Variants in NRXN1 observed in about 807,000 individuals in gnomAD.
NRXN1 encodes the protein neurexin-1.
In NRXN1, 39 loss-of-function variants were observed where a neutral mutation model predicts 150.9. The ratio of observed to expected loss-of-function variants is 0.26; its 90% confidence interval spans 0.20 to 0.34. The LOEUF is 0.34. NRXN1 is among the 10% of genes least tolerant of loss of function. The probability of loss-of-function intolerance (pLI) is 1.00; values close to 1 mark genes in which losing one functional copy is unlikely to be tolerated. For synonymous variants in NRXN1, 924 were observed against 757.0 expected (o/e 1.22, Z -3.62); for missense variants, 1,815 against 1,949.9 (o/e 0.93, Z 1.30).
At chr2:50,141,949 G>C (rs1424137224) in intron 18 of NRXN1, among the ~76,000 whole-genome samples, 4 of 151,984 alleles carry the variant, frequency 2.6e-5, no homozygotes, top group Admixed American at 1.3e-4. Flanking sequence ...CCCACTACTG[G>C]GTATTTATCC....
At chr2:50,690,818 T>A (rs1041788861) in intron 5 of NRXN1, among the ~76,000 whole-genome samples, 1 of 152,126 alleles carries the variant, frequency 6.6e-6, no homozygotes, top group African/African-American at 2.4e-5. Context: ...TTTTCTCTTC[T>A]CCAAACACAC....
intron 21 of NRXN1, among the ~76,000 whole-genome samples, chr2:50,035,150 A>T (rs1447370903): frequency 6.6e-6 from 1 of 152,134 alleles, no homozygotes; most frequent in Non-Finnish European, 1.5e-5. Flanking sequence ...CAGAGGCTAG[A>T]TATGGGGACA....
chr2:50,466,784 CT>C (rs2088918028), intron 16 of NRXN1, among the ~76,000 whole-genome samples: 1 of 151,738 alleles, frequency 6.6e-6, no homozygotes, highest in Non-Finnish European at 1.5e-5. Context: ...TGTTTCCTCT[CT>C]TGGATAGATA....
intron 18 of NRXN1, among the ~76,000 whole-genome samples, chr2:50,150,395 G>C (rs2058626971): frequency 6.6e-6 from 1 of 151,760 alleles, no homozygotes; most frequent in Non-Finnish European, 1.5e-5. Context: ...ATCAGAACTA[G>C]CAAAGGATGT....
At chr2:50,426,238 G>A (rs1225995696) in intron 17 of NRXN1, among the ~76,000 whole-genome samples, 1 of 152,168 alleles carries the variant, frequency 6.6e-6, no homozygotes, top group Non-Finnish European at 1.5e-5. Flanking sequence ...AAAGCTTAAA[G>A]AACCGTGAAT....
chr2:50,481,670 G>C (rs1022519847), intron 15 of NRXN1, among the ~76,000 whole-genome samples: 4 of 149,416 alleles, frequency 2.7e-5, no homozygotes, highest in Non-Finnish European at 5.9e-5. Flanking sequence ...AGACCTTAAC[G>C]TTTTCCTGTA....
At chr2:50,172,705 C>T (rs965393779) in intron 18 of NRXN1, among the ~76,000 whole-genome samples, 6 of 152,050 alleles carry the variant, frequency 3.9e-5, no homozygotes, top group East Asian at 1.9e-4. Flanking sequence ...CAGAGGCTGA[C>T]GCCTGCAATC....
chr2:50,048,595 A>C (rs1217088965), intron 21 of NRXN1, among the ~76,000 whole-genome samples: 1 of 152,182 alleles, frequency 6.6e-6, no homozygotes, highest in East Asian at 1.9e-4. Context: ...GCCTCCAAGC[A>C]AGCAACAGAA....
At chr2:49,962,130 A>C (rs532266253) in intron 21 of NRXN1, among the ~76,000 whole-genome samples, 8 of 152,136 alleles carry the variant, frequency 5.3e-5, no homozygotes, top group Non-Finnish European at 1.2e-4. Flanking sequence ...ATAGGTATTC[A>C]ATTCTTTGGG....
Position 49,918,871 on chromosome 2 carries a change from A to T in NRXN1, c.*3073T>A, listed in dbSNP as rs1384399633. On this transcript the variant is annotated 3_prime_UTR_variant, in exon 23 of 23. Transcript: ENST00000401669. ...AAATCAATAAATCACAGTTGTATTAAGAAATATTTTATTAACAAAACAGTA... is the reference window on the plus strand; with the variant it reads ...AAATCAATAAATCACAGTTGTATTATGAAATATTTTATTAACAAAACAGTA... The T allele has an allele frequency of 6.6e-6, 1 of 152,186 alleles. No individual in the cohort carries two copies. Among genetic ancestry groups the T allele is most frequent in the Non-Finnish European group, 1.5e-5 (1 of 67,992 alleles). The allele number at this position is 152,186 out of a possible 1,614,324, so 9.4% of individuals were successfully genotyped here. A position where few individuals can be genotyped will look rare whatever the true frequency, so the allele number is the denominator to read the frequency against.
intron 8 of NRXN1, among the ~76,000 whole-genome samples, chr2:50,578,831 ATAT>A (rs1245946927): frequency 6.6e-6 from 1 of 152,046 alleles, no homozygotes; most frequent in Non-Finnish European, 1.5e-5. Context: ...TAAATCATTC[ATAT>A]TATTATTATT....
rs113129709 is a variant in NRXN1, at chr2:50,901,351, T to C, written c.832+20518A>G. ...GAGATCGAGACCATCCTGGCTAACATGGTGAAAACCAGTCTCTACTAAAAA... is the reference window on the plus strand; with the variant it reads ...GAGATCGAGACCATCCTGGCTAACACGGTGAAAACCAGTCTCTACTAAAAA... On this transcript the variant is annotated intron_variant, in intron 5 of 22. Transcript: ENST00000401669. Among the ~76,000 whole-genome samples, 627 of 152,000 alleles carry C rather than the reference T, an allele frequency of 4.1e-3. 8 individuals carry two copies. Among genetic ancestry groups the C allele is most frequent in the African/African-American group, 0.014 (590 of 41,466 alleles).
chr2:49,959,532 T>C (rs1675546204), intron 21 of NRXN1, among the ~76,000 whole-genome samples: 1 of 152,234 alleles, frequency 6.6e-6, no homozygotes, highest in African/African-American at 2.4e-5. Context: ...GATCTTACAA[T>C]GCTGCTTTCC....
At chr2:50,299,352 T>C (rs1297682189) in intron 17 of NRXN1, among the ~76,000 whole-genome samples, 3 of 152,132 alleles carry the variant, frequency 2.0e-5, no homozygotes, top group Non-Finnish European at 4.4e-5. Flanking sequence ...ACTTTTGCAG[T>C]TCTCATTTAC....
chr2:51,011,350 C>T (rs1273711106), intron 2 of NRXN1, among the ~76,000 whole-genome samples: 2 of 151,840 alleles, frequency 1.3e-5, no homozygotes, highest in Non-Finnish European at 2.9e-5. Flanking sequence ...TAAGTGCTCC[C>T]CTGGGGACTT....
intron 5 of NRXN1, among the ~76,000 whole-genome samples, chr2:50,667,778 A>C (rs543883746): frequency 2.0e-5 from 3 of 152,032 alleles, no homozygotes; most frequent in South Asian, 4.1e-4. Context: ...TATATTCCTA[A>C]GTATTATTGC....
At chr2:50,287,133 A>G (rs2072295861) in intron 17 of NRXN1, among the ~76,000 whole-genome samples, 1 of 152,136 alleles carries the variant, frequency 6.6e-6, no homozygotes, top group South Asian at 2.1e-4. Context: ...TATATAAAAA[A>G]TAATAATCCA....
intron 2 of NRXN1, among the ~76,000 whole-genome samples, chr2:50,939,500 G>C (rs927903959): frequency 1.9e-4 from 29 of 151,876 alleles, no homozygotes; most frequent in Middle Eastern, 3.4e-3. Flanking sequence ...TTATTGGATA[G>C]GATGCAAATA....
chr2:50,729,521 C>A (rs957401961), intron 5 of NRXN1, among the ~76,000 whole-genome samples: 2 of 152,174 alleles, frequency 1.3e-5, no homozygotes, highest in Admixed American at 6.5e-5. Flanking sequence ...CTATGCTAAA[C>A]GGCTTCAGCA....
Sources: allele counts gnomAD v4.1 joint callset (sites outside exome capture counted in the v4.1 genomes callset), GRCh38; gene constraint gnomAD v4.1.1; transcripts MANE v1.5; gene names NCBI Gene and HGNC (gene_info 2026-07-23, HGNC 2026-07-21).